The following ZNF678 variants were observed in gnomAD, a reference collection of about 807,000 sequenced individuals.
ZNF678 encodes hypothetical protein MGC42493.
In ZNF678, 5 loss-of-function variants were observed where a neutral mutation model predicts 3.0. The observed-to-expected ratio is 1.69, with a 90% CI of 0.88 to 3.56. The LOEUF is 3.56. ZNF678 is among the 30% of genes most tolerant of loss of function. The pLI is 0.00. For missense variants in ZNF678, 593 were observed against 605.0 expected (o/e 0.98, Z 0.21); for synonymous variants, 218 against 199.6 (o/e 1.09, Z -0.78).
intron 1 of ZNF678, among the ~76,000 whole-genome samples, chr1:227,579,643 A>C (rs756665517): frequency 9.2e-5 from 14 of 152,074 alleles, no homozygotes; most frequent in Non-Finnish European, 2.1e-4. Context: ...ATCTCGCTGG[A>C]GGTCTTCACC....
chr1:227,599,858 TA>T (rs971131008), intron 1 of ZNF678, among the ~76,000 whole-genome samples: 2 of 152,230 alleles, frequency 1.3e-5, no homozygotes, highest in African/African-American at 4.8e-5. Flanking sequence ...GCAGGTTTGT[TA>T]TATAGGTAAA....
At chr1:227,609,803 G>C (rs926201070) in intron 1 of ZNF678, among the ~76,000 whole-genome samples, 1 of 151,302 alleles carries the variant, frequency 6.6e-6, no homozygotes, top group Non-Finnish European at 1.5e-5. Flanking sequence ...GCAAGATCTC[G>C]GCTCACTGCA....
rs1659352628 is a variant in ZNF678, at chr1:227,659,816, A to G, written c.*3988A>G. 1 of 152,142 alleles carries G rather than the reference A, an allele frequency of 6.6e-6. No individual in the cohort carries two copies. Among genetic ancestry groups the G allele is most frequent in the South Asian group, 2.1e-4 (1 of 4,824 alleles). The allele number at this position is 152,142 out of a possible 1,614,324, so 9.4% of individuals were successfully genotyped here. A position where few individuals can be genotyped will look rare whatever the true frequency, so the allele number is the denominator to read the frequency against. ...TGTTTGAAATGCTTAATTCTAGCCA[A>G]TTAAAAATGCTTTACCTCAATAGTT... On this transcript the variant is annotated 3_prime_UTR_variant, in exon 4 of 4. Transcript: ENST00000343776.
chr1:227,664,346 C>T (rs1165276663), downstream of ZNF678, among the ~76,000 whole-genome samples: 1 of 152,104 alleles, frequency 6.6e-6, no homozygotes, highest in Non-Finnish European at 1.5e-5. Context: ...TGAACCTGAC[C>T]ATCTCACTAA....
At chr1:227,677,836 G>A (rs538100022), downstream of ZNF678, among the ~76,000 whole-genome samples, 45 of 152,304 alleles carry the variant, frequency 3.0e-4, no homozygotes, top group African/African-American at 1.1e-3. Context: ...ACTCTGAGCT[G>A]GAGACCCTTA....
intron 1 of ZNF678, among the ~76,000 whole-genome samples, chr1:227,601,683 G>A (rs1657743243): frequency 1.3e-5 from 2 of 152,014 alleles, no homozygotes; most frequent in Admixed American, 6.6e-5. Flanking sequence ...TCCTGCCTCA[G>A]CCTCCCGAGT....
rs1292550059 is a variant in ZNF678, at chr1:227,661,622, CA to C, written c.*5795del. 1 of 152,136 alleles carries C rather than the reference CA, an allele frequency of 6.6e-6. No homozygotes were observed. Among genetic ancestry groups the C allele is most frequent in the African/African-American group, 2.4e-5 (1 of 41,422 alleles). The allele number at this position is 152,136 out of a possible 1,614,324, so 9.4% of individuals were successfully genotyped here. A position where few individuals can be genotyped will look rare whatever the true frequency, so the allele number is the denominator to read the frequency against. ...AACCCTATGAGGTTTATCTTCTTTT[CA>C]CCCATTTTGAGAGAAGAAAAGTTCA... On this transcript the variant is annotated 3_prime_UTR_variant, in exon 4 of 4. Transcript: ENST00000343776.
intron 1 of ZNF678, among the ~76,000 whole-genome samples, chr1:227,617,006 G>T (rs1658158699): frequency 6.6e-6 from 1 of 152,188 alleles, no homozygotes; most frequent in Non-Finnish European, 1.5e-5. Context: ...GGTGCTTGAG[G>T]TGTCATGGCA....
chr1:227,585,191 C>T (rs185019789), intron 1 of ZNF678, among the ~76,000 whole-genome samples: 85 of 152,222 alleles, frequency 5.6e-4, no homozygotes, highest in African/African-American at 1.9e-3. Context: ...GCCAGTTAAT[C>T]GTTTTCTGTC....
At chr1:227,574,817 A>T (rs1265537702) in intron 1 of ZNF678, among the ~76,000 whole-genome samples, 1 of 152,132 alleles carries the variant, frequency 6.6e-6, no homozygotes, top group East Asian at 1.9e-4. Flanking sequence ...TGTTCTATCC[A>T]TCTTAAGTTA....
At chr1:227,581,388 A>G (rs1017344271) in intron 1 of ZNF678, among the ~76,000 whole-genome samples, 2 of 152,094 alleles carry the variant, frequency 1.3e-5, no homozygotes, top group Non-Finnish European at 2.9e-5. Context: ...GAAAAGAAAG[A>G]AAGGAAAAAT....
chr1:227,576,104 A>G (rs1481631608), intron 1 of ZNF678, among the ~76,000 whole-genome samples: 1 of 152,198 alleles, frequency 6.6e-6, no homozygotes, highest in Non-Finnish European at 1.5e-5. Flanking sequence ...CTACTTGATC[A>G]TGGTGGATAA....
At chr1:227,631,815 A>T (rs1317068692) in intron 1 of ZNF678, among the ~76,000 whole-genome samples, 1 of 152,226 alleles carries the variant, frequency 6.6e-6, no homozygotes, top group Admixed American at 6.5e-5. Flanking sequence ...TGACTTATGT[A>T]GGATCACTAG....
downstream of ZNF678, among the ~76,000 whole-genome samples, chr1:227,664,737 A>G (rs561568856): frequency 6.6e-6 from 1 of 151,974 alleles, no homozygotes; most frequent in South Asian, 2.1e-4. Flanking sequence ...CCAGGGTTCT[A>G]AATTATCTTG....
At chr1:227,607,710 TTA>T (rs1475915797) in intron 1 of ZNF678, among the ~76,000 whole-genome samples, 1 of 146,106 alleles carries the variant, frequency 6.8e-6, no homozygotes, top group Non-Finnish European at 1.5e-5. Context: ...TTAAATATAT[TTA>T]TATTTTATAA....
At chr1:227,575,718 A>G (rs745922049) in intron 1 of ZNF678, among the ~76,000 whole-genome samples, 13 of 152,024 alleles carry the variant, frequency 8.6e-5, no homozygotes, top group Admixed American at 2.0e-4. Context: ...CTGTCTTCCT[A>G]TTTGCATGCC....
chr1:227,665,959 C>T (rs928952675), downstream of ZNF678, among the ~76,000 whole-genome samples: 2 of 152,116 alleles, frequency 1.3e-5, no homozygotes, highest in Admixed American at 6.6e-5. Flanking sequence ...ATCCTATCTA[C>T]ATTTCATGTT....
chr1:227,640,276 AAG>A (rs1658785775), intron 1 of ZNF678, among the ~76,000 whole-genome samples: 1 of 152,042 alleles, frequency 6.6e-6, no homozygotes, highest in African/African-American at 2.4e-5. Flanking sequence ...GGTGTAGGAA[AAG>A]AAGTGGATAC....
At chr1:227,669,122 A>T (rs943748569) in intron 5 of ZNF678, among the ~76,000 whole-genome samples, 3 of 152,064 alleles carry the variant, frequency 2.0e-5, no homozygotes, top group African/African-American at 7.2e-5. Flanking sequence ...CTAACAGAGT[A>T]AACAAACAAC....
Sources: allele counts gnomAD v4.1 joint callset (sites outside exome capture counted in the v4.1 genomes callset), GRCh38; gene constraint gnomAD v4.1.1; transcripts MANE v1.5; gene names NCBI Gene and HGNC (gene_info 2026-07-23, HGNC 2026-07-21).